Variants in CDH16 observed in about 807,000 individuals in gnomAD.
CDH16 encodes cadherin 16.
In CDH16, 79 loss-of-function variants were observed where a neutral mutation model predicts 87.6. The ratio of observed to expected loss-of-function variants is 0.90; its 90% confidence interval spans 0.75 to 1.09. The LOEUF (loss-of-function observed/expected upper bound fraction) is 1.09. Among genes scored for constraint, CDH16 ranks in the 50% least tolerant of loss-of-function variants. The probability of loss-of-function intolerance (pLI) is 0.00; values close to 1 mark genes in which losing one functional copy is unlikely to be tolerated. For synonymous variants in CDH16, 457 were observed against 439.5 expected, an observed-to-expected ratio of 1.04 and a Z score of -0.50; for missense variants, 1,124 against 1,071.7, an observed-to-expected ratio of 1.05 and a Z score of -0.68.
At chr16:66,915,690 C>A (rs1357267486) in intron 5 of CDH16, among the ~76,000 whole-genome samples, 2 of 152,038 alleles carry the variant, frequency 1.3e-5, no homozygotes, top group Admixed American at 6.5e-5. Context: ...GCCAGGAGTT[C>A]GAGACCAGCC....
chr16:66,911,101 T>C lies in CDH16; in HGVS notation c.1924+81A>G. On this transcript the variant is annotated intron_variant, in intron 14 of 17. Coordinates refer to ENST00000299752, the MANE Select transcript of CDH16 (RefSeq NM_004062.4). ...GCTGGGGGTTGCCAGTGAGGGCCTC[T>C]GGGAGGAAGCTCAGTCCTGCTGTCT... is the stretch of plus-strand genomic sequence containing the variant. 2.8e-6 allele frequency: 4 copies of C among 1,448,968 alleles called. No homozygotes were observed. In the South Asian group the frequency reaches 4.2e-5, roughly 15 times the overall value. The allele number at this position is 1,448,968 out of a possible 1,614,324, so 89.8% of individuals were successfully genotyped here. A position where few individuals can be genotyped will look rare whatever the true frequency, so the allele number is the denominator to read the frequency against.
chr16:66,915,931 A>G (rs1312039622), intron 5 of CDH16, 134 bp downstream of exon 5: 2 of 1,039,174 alleles, frequency 1.9e-6, no homozygotes, highest in South Asian at 1.7e-5. Context: ...AAAAAAGAGA[A>G]AAGAAAAGAA....
At chr16:66,910,700 G>C in intron 14 of CDH16, 198 bp from the exon 15 acceptor site, 1 of 564,068 alleles carries the variant, frequency 1.8e-6, no homozygotes, top group Non-Finnish European at 2.8e-6. Flanking sequence ...ACTGCTGCTG[G>C]GTCTGCCCTG....
Position 66,910,056 on chromosome 16 carries a change from C to T in CDH16, c.2205G>A (p.Val735=). ...CGGGGATTATGTGTTCACGTGGCTCCACCCAATGCAGGGCCAAGGTGAGGT... is the reference window on the plus strand; with the variant it reads ...CGGGGATTATGTGTTCACGTGGCTCTACCCAATGCAGGGCCAAGGTGAGGT... ...HAYLTLALHW[V]EPREHIIPVV... is the part of the protein sequence containing the mutation. Residue 735 remains valine (V), a synonymous_variant, in exon 16 of 18, where the codon GTG becomes GTA. Coordinates refer to ENST00000299752, the MANE Select transcript of CDH16 (RefSeq NM_004062.4). 1 of 1,613,056 alleles carries T rather than the reference C, an allele frequency of 6.2e-7. No homozygotes were observed.
Position 66,911,979 on chromosome 16 carries a change from C to T in CDH16, c.1710G>A (p.Glu570=), listed in dbSNP as rs760772957. 10 of 1,614,020 alleles carry T rather than the reference C, an allele frequency of 6.2e-6. No individual in the cohort carries two copies. The highest frequency in any genetic ancestry group is 4.0e-5 in the African/African-American group (3 of 74,930). Residue 570 remains glutamate, a synonymous_variant, in exon 13 of 18, where the codon GAG becomes GAA. Coordinates refer to ENST00000299752, the MANE Select transcript of CDH16 (RefSeq NM_004062.4). ...PPPKLDQESY[E]ASVPISAPAG... ...CTGGGGCACTGATGGGGACACTGGC[C>T]TCGTAGCTCTCCTGGTCCAACTTGG...
Position 66,914,228 on chromosome 16 carries a change from G to A in CDH16, c.768C>T (p.His256=), listed in dbSNP as rs1164251381. The stretch of plus-strand genomic sequence containing the variant: ...GCCACTTACTCACCTGGGCCATGTG[G>A]TGCGGGTATAGGACTTTGAGATTCT... ...LAENLKVLYP[H]HMAQVHWSGG... Residue 256 remains histidine (H), a synonymous_variant, in exon 7 of 18, where the codon CAC becomes CAT. Transcript: ENST00000299752. 1 of 1,613,356 alleles carries A rather than the reference G, an allele frequency of 6.2e-7. No homozygotes were observed. The highest frequency in any genetic ancestry group is 2.2e-5 in the East Asian group (1 of 44,880).
chr16:66,910,022 TGACCACCAC>T lies in CDH16; in HGVS notation c.2230_2238del (p.Val744_Val746del). 1 of 1,612,224 alleles carries T rather than the reference TGACCACCAC, an allele frequency of 6.2e-7. No homozygotes were observed. Among genetic ancestry groups the T allele is most frequent in the Non-Finnish European group, 8.5e-7 (1 of 1,178,780 alleles). On this transcript the variant is annotated inframe_deletion, in exon 16 of 18. Transcript: ENST00000299752. ...AGCTGCCACATCTGGGCATTGTGGC[TGACCACCAC>T]GGGGATTATGTGTTCACGTGGCTCC...
intron 3 of CDH16, among the ~76,000 whole-genome samples, chr16:66,917,107 G>T (rs1413756814): frequency 6.9e-6 from 1 of 143,974 alleles, no homozygotes; most frequent in African/African-American, 2.6e-5. Flanking sequence ...CCAACATGGC[G>T]AAACCCTGTC....
At chr16:66,918,531 T>TC (rs1429622493) in intron 1 of CDH16, among the ~76,000 whole-genome samples, 2 of 151,798 alleles carry the variant, frequency 1.3e-5, no homozygotes, top group African/African-American at 4.8e-5. Context: ...ACAGGAGGAG[T>TC]CCTCCTAGCT....
At chr16:66,913,397 C>T (rs1417569310) in intron 8 of CDH16, 94 bp downstream of exon 8, 1 of 1,586,538 alleles carries the variant, frequency 6.3e-7, no homozygotes, top group East Asian at 2.2e-5. Context: ...TTCCCACTGC[C>T]TCAGCCTCTG....
intron 6 of CDH16, 98 bp from the exon 7 acceptor site, chr16:66,914,510 C>A: frequency 1.2e-6 from 1 of 835,118 alleles, no homozygotes; most frequent in Admixed American, 2.4e-5. Context: ...AAGCATACAG[C>A]AGGTGATTGG....
chr16:66,916,310 G>T lies in CDH16; in HGVS notation c.249C>A (p.Ala83=). 1 of 1,614,120 alleles carries T rather than the reference G, an allele frequency of 6.2e-7. No homozygotes were observed. Among genetic ancestry groups the T allele is most frequent in the Non-Finnish European group, 8.5e-7 (1 of 1,179,952 alleles). ...PDSGFLLVTR[A]LDREEQAEYQ... is the part of the protein sequence containing the mutation. ...ACTCTGCCTGCTCCTCTCGGTCCAG[G>T]GCCCTGGTCACCAGCAGGAAGCCAG... The change falls in exon 4 of 18, where the codon GCC becomes GCA. Residue 83 remains alanine, a synonymous_variant. Coordinates refer to ENST00000299752, the MANE Select transcript of CDH16 (RefSeq NM_004062.4). This position sits in a 1 kb window ranked among gnomAD's most constrained non-coding sequence, Gnocchi z 4.1.
Position 66,911,906 on chromosome 16 carries a change from T to A in CDH16, c.1783A>T (p.Thr595Ser). ...TIQPSDPISR[T>S]LRFSLVNDSE... ...GCTGGGATTTTAGCTCACCTGAGGG[T>A]TCGGCTGATGGGGTCGGAGGGCTGG... Residue 595 changes from threonine to serine, a missense_variant, in exon 13 of 18, where the codon ACC becomes TCC. Physicochemically the swap from Thr to Ser is moderately conservative, Grantham distance 58 (BLOSUM62 1). Transcript: ENST00000299752. The A allele has an allele frequency of 1.9e-6, 3 of 1,596,630 alleles. No homozygotes were observed. Among genetic ancestry groups the A allele is most frequent in the Non-Finnish European group, 2.6e-6 (3 of 1,168,394 alleles).
intron 14 of CDH16, chr16:66,910,748 G>T (rs914748447): frequency 4.7e-6 from 2 of 424,468 alleles, no homozygotes; most frequent in East Asian, 7.5e-5. Flanking sequence ...CTGCCTCCCG[G>T]GGCTCCCCAC....
chr16:66,916,010 T>C lies in CDH16; in HGVS notation c.424+55A>G. 5 of 1,608,426 alleles carry C rather than the reference T, an allele frequency of 3.1e-6. No individual in the cohort carries two copies. Among genetic ancestry groups the C allele is most frequent in the Non-Finnish European group, 4.3e-6 (5 of 1,176,414 alleles). Reference sequence around the variant, plus strand: ...GTCTGGCCATCTCTTCGCTCTCTGCTGTTCCATCAAGGCCCACCTGACCTT... The same window carrying C: ...GTCTGGCCATCTCTTCGCTCTCTGCCGTTCCATCAAGGCCCACCTGACCTT... On this transcript the variant is annotated intron_variant, in intron 5 of 17. Transcript: ENST00000299752. This position sits in a 1 kb window ranked among gnomAD's most constrained non-coding sequence, Gnocchi z 4.1.
At chr16:66,913,918 G>A (rs1001151236) in intron 7 of CDH16, among the ~76,000 whole-genome samples, 1 of 152,222 alleles carries the variant, frequency 6.6e-6, no homozygotes, top group East Asian at 1.9e-4. Context: ...CCTGGCCCGG[G>A]GTGACAATCC....
At chr16:66,918,155 A>T in intron 1 of CDH16, 77 bp from the exon 2 acceptor site, 1 of 984,860 alleles carries the variant, frequency 1.0e-6, no homozygotes, top group East Asian at 2.8e-5. Flanking sequence ...AACTAGTGGG[A>T]TCGTACTGCA....
intron 2 of CDH16, 43 bp downstream of exon 2, chr16:66,917,978 C>T: frequency 6.6e-7 from 1 of 1,525,392 alleles, no homozygotes; most frequent in Non-Finnish European, 8.9e-7. Context: ...GTGTCAACCC[C>T]CAAAGCCAAG....
At chr16:66,914,131 G>T in intron 7 of CDH16, 85 bp downstream of exon 7, 1 of 1,224,960 alleles carries the variant, frequency 8.2e-7, no homozygotes, top group Non-Finnish European at 1.2e-6. Flanking sequence ...GAGGGTTCCA[G>T]ACCCAGCCCC....
Sources: gnomAD v4.1 joint callset for allele counts (sites outside exome capture counted in the v4.1 genomes callset) on GRCh38, gnomAD v4.1.1 for gene constraint, Gnocchi (gnomAD v3.1) non-coding constraint, MANE v1.5 for transcripts, NCBI Gene and HGNC (gene_info 2026-07-23, HGNC 2026-07-21) for gene names.